The following KIAA1328 variants were observed in gnomAD, a reference collection of about 807,000 sequenced individuals.
KIAA1328 encodes the protein protein hinderin.
KIAA1328 carries 52 observed loss-of-function variants against 68.1 expected under a neutral mutation model. The observed-to-expected ratio is 0.76, with a 90% CI of 0.61 to 0.96. KIAA1328 has a LOEUF of 0.96. Ranked by LOEUF, KIAA1328 falls within the 40% of genes least tolerant of loss-of-function variation. KIAA1328 has a pLI of 0.00. For synonymous variants in KIAA1328, 232 were observed against 239.4 expected, an observed-to-expected ratio of 0.97 and a Z score of 0.28; for missense variants, 641 against 677.6, an observed-to-expected ratio of 0.95 and a Z score of 0.60.
intron 5 of KIAA1328, among the ~76,000 whole-genome samples, chr18:36,927,902 AAAAG>A (rs1290620385): frequency 1.3e-5 from 2 of 152,120 alleles, no homozygotes; most frequent in Non-Finnish European, 2.9e-5. Context: ...GAGAAAGAGA[AAAAG>A]AAAGGGAAGA....
chr18:36,920,598 G>A (rs2049881167), intron 5 of KIAA1328, among the ~76,000 whole-genome samples: 1 of 152,114 alleles, frequency 6.6e-6, no homozygotes, highest in African/African-American at 2.4e-5. Flanking sequence ...ATGTGTCCAG[G>A]TCAACCTTTA....
chr18:37,216,780 C>T (rs567789981), intron 9 of KIAA1328, among the ~76,000 whole-genome samples: 2 of 151,980 alleles, frequency 1.3e-5, no homozygotes, highest in East Asian at 3.9e-4. Context: ...TCCTTGTACT[C>T]TCTGAGGACT....
At chr18:36,853,805 G>A (rs1159805152) in intron 4 of KIAA1328, among the ~76,000 whole-genome samples, 8 of 151,930 alleles carry the variant, frequency 5.3e-5, no homozygotes, top group South Asian at 2.1e-4. Context: ...ACAGGTGCCC[G>A]CCACCAAGCC....
chr18:37,119,822 G>A (rs182161020), intron 7 of KIAA1328, among the ~76,000 whole-genome samples: 424 of 152,248 alleles, frequency 2.8e-3, no homozygotes, highest in Non-Finnish European at 4.6e-3. Context: ...TTTGTCTGCT[G>A]AGAGGGCCTT....
chr18:37,010,702 C>T (rs1285083701), intron 6 of KIAA1328, among the ~76,000 whole-genome samples: 2 of 151,980 alleles, frequency 1.3e-5, no homozygotes, highest in Non-Finnish European at 2.9e-5. Flanking sequence ...GTTGGTTGGG[C>T]TCTTTGAGAT....
intron 9 of KIAA1328, among the ~76,000 whole-genome samples, chr18:37,213,679 G>A (rs2060364276): frequency 6.6e-6 from 1 of 152,128 alleles, no homozygotes; most frequent in African/African-American, 2.4e-5. Context: ...TGGGATCACT[G>A]GGTCAAATGG....
chr18:36,836,878 A>G (rs1203640493), intron 3 of KIAA1328, among the ~76,000 whole-genome samples: 2 of 152,126 alleles, frequency 1.3e-5, no homozygotes, highest in Non-Finnish European at 1.5e-5. Flanking sequence ...ATAAAAGGAA[A>G]TCACATAATA....
At chr18:37,165,337 A>G (rs2059364526) in intron 8 of KIAA1328, among the ~76,000 whole-genome samples, 1 of 152,112 alleles carries the variant, frequency 6.6e-6, no homozygotes. Flanking sequence ...CTTGTTCCCA[A>G]CCTTATAAGG....
At chr18:36,961,409 A>T (rs1018509884) in intron 6 of KIAA1328, among the ~76,000 whole-genome samples, 2 of 152,182 alleles carry the variant, frequency 1.3e-5, no homozygotes, top group African/African-American at 4.8e-5. Flanking sequence ...ATTATCCAGG[A>T]GAACTTCCCC....
chr18:37,156,078 G>A (rs914139724), intron 7 of KIAA1328, among the ~76,000 whole-genome samples: 7 of 151,698 alleles, frequency 4.6e-5, no homozygotes, highest in South Asian at 2.1e-4. Flanking sequence ...CTGTTTCCAC[G>A]TCTGTCTCCC....
intron 6 of KIAA1328, among the ~76,000 whole-genome samples, chr18:36,973,868 T>C (rs532601786): frequency 1.4e-5 from 2 of 141,866 alleles, no homozygotes; most frequent in East Asian, 3.9e-4. Flanking sequence ...TCTTCAAAAA[T>C]TCTATTTTTC....
At chr18:36,937,902 A>T (rs2050565338) in intron 5 of KIAA1328, among the ~76,000 whole-genome samples, 1 of 152,084 alleles carries the variant, frequency 6.6e-6, no homozygotes, top group Non-Finnish European at 1.5e-5. Flanking sequence ...TAACATATTG[A>T]CCTTCAGTTT....
At chr18:36,847,739 A>G (rs1252533204) in intron 4 of KIAA1328, among the ~76,000 whole-genome samples, 1 of 151,568 alleles carries the variant, frequency 6.6e-6, no homozygotes, top group Non-Finnish European at 1.5e-5. Flanking sequence ...TTGGATCTTG[A>G]CAAAGTTCAG....
In KIAA1328 at chr18:36,852,005, A is replaced by G. The variant is rs1449624181; in HGVS notation, c.332+7703A>G. On this transcript the variant is annotated intron_variant, in intron 4 of 9. Transcript: ENST00000280020. ...TTTTTGTTTTCATTCATTTCAAGATACTTTCTAATTTTCTTTGTGATTTCT... is the reference window on the plus strand; with the variant it reads ...TTTTTGTTTTCATTCATTTCAAGATGCTTTCTAATTTTCTTTGTGATTTCT... Among the ~76,000 whole-genome samples, 5 of 152,042 alleles carry G rather than the reference A, an allele frequency of 3.3e-5. No homozygotes were observed. In the East Asian group the frequency reaches 9.6e-4, roughly 29 times the overall value.
chr18:37,064,237 T>C (rs1337065242), intron 6 of KIAA1328, among the ~76,000 whole-genome samples: 1 of 152,212 alleles, frequency 6.6e-6, no homozygotes, highest in Non-Finnish European at 1.5e-5. Context: ...CTCATTTAAA[T>C]AGAAATCCTT....
intron 9 of KIAA1328, among the ~76,000 whole-genome samples, chr18:37,184,176 C>G (rs2059749943): frequency 6.6e-6 from 1 of 152,082 alleles, no homozygotes; most frequent in Admixed American, 6.6e-5. Context: ...ATGTCTTCAC[C>G]ACATCTCCAA....
chr18:37,021,125 T>C (rs2054330624), intron 6 of KIAA1328, among the ~76,000 whole-genome samples: 1 of 152,200 alleles, frequency 6.6e-6, no homozygotes, highest in African/African-American at 2.4e-5. Flanking sequence ...CTCTTTCATC[T>C]TCATTACAAG....
Position 37,222,501 on chromosome 18 carries a change from G to T in KIAA1328, c.*274G>T. On this transcript the variant is annotated 3_prime_UTR_variant, in exon 10 of 10. Transcript: ENST00000280020. Reference sequence around the variant, plus strand: ...AAAATTAACATAGGATACTTTCTGCGTGGTGGAAACCATTGCATATTCAGC... The same window carrying T: ...AAAATTAACATAGGATACTTTCTGCTTGGTGGAAACCATTGCATATTCAGC... 1 of 1,240,886 alleles carries T rather than the reference G, an allele frequency of 8.1e-7. No individual in the cohort carries two copies. The highest frequency in any genetic ancestry group is 1.9e-5 in the South Asian group (1 of 52,746). The allele number at this position is 1,240,886 out of a possible 1,614,324, so 76.9% of individuals were successfully genotyped here. A position where few individuals can be genotyped will look rare whatever the true frequency, so the allele number is the denominator to read the frequency against.
At chr18:36,954,456 G>A (rs1049809502) in intron 5 of KIAA1328, 12 of 152,212 alleles carry the variant, frequency 7.9e-5, no homozygotes, top group African/African-American at 2.9e-4. Context: ...TTACTTTTGA[G>A]TATTGACCAC....
Sources: allele counts gnomAD v4.1 joint callset (sites outside exome capture counted in the v4.1 genomes callset), GRCh38; gene constraint gnomAD v4.1.1; transcripts MANE v1.5; gene names NCBI Gene and HGNC (gene_info 2026-07-23, HGNC 2026-07-21).